ATF7IP: variants seen among roughly 807,000 people sequenced by gnomAD.
The protein encoded by ATF7IP is activating transcription factor 7 interacting protein.
In ATF7IP, 23 loss-of-function variants were observed where a neutral mutation model predicts 106.4. The observed-to-expected ratio is 0.22, with a 90% confidence interval of 0.16 to 0.31. The LOEUF (loss-of-function observed/expected upper bound fraction) is 0.31, where lower values mean the gene tolerates loss of function less well. ATF7IP is among the 10% of genes least tolerant of loss of function. The probability of loss-of-function intolerance (pLI) is 1.00; values close to 1 mark genes in which losing one functional copy is unlikely to be tolerated. For synonymous variants in ATF7IP, 542 were observed against 539.0 expected, an observed-to-expected ratio of 1.01 and a Z score of -0.08; for missense variants, 1,334 against 1,524.3, an observed-to-expected ratio of 0.88 and a Z score of 2.08.
At chr12:14,476,445 CAAATCTT>C (rs1235968258) in intron 11 of ATF7IP, 1 of 136,266 alleles carries the variant, frequency 7.3e-6, no homozygotes, top group Non-Finnish European at 1.6e-5. Context: ...AGGATAGAAT[CAAATCTT>C]AAATGAGTAT....
Position 14,427,053 on chromosome 12 carries a change from A to G in ATF7IP, c.1558+1580A>G, listed in dbSNP as rs1352293075. Among the ~76,000 whole-genome samples, 3 of 152,086 alleles carry G rather than the reference A, an allele frequency of 2.0e-5. 1 individual carries two copies. Among genetic ancestry groups the G allele is most frequent in the Non-Finnish European group, 4.4e-5 (3 of 68,002 alleles). ...TGGGAGTGCAGATTAAGGTAACTTTATTAGAGCACCAGATGTATTAGGGAT... is the reference window on the plus strand; with the variant it reads ...TGGGAGTGCAGATTAAGGTAACTTTGTTAGAGCACCAGATGTATTAGGGAT... On this transcript the variant is annotated intron_variant, in intron 2 of 14. Transcript: ENST00000261168.
chr12:14,494,118 T>C (rs1944917718), intron 13 of ATF7IP, among the ~76,000 whole-genome samples: 1 of 151,348 alleles, frequency 6.6e-6, no homozygotes, highest in African/African-American at 2.4e-5. Context: ...CTCTATACTA[T>C]TAGAATTAGA....
intron 1 of ATF7IP, among the ~76,000 whole-genome samples, chr12:14,422,289 C>T (rs1301350417): frequency 6.7e-6 from 1 of 149,254 alleles, no homozygotes; most frequent in African/African-American, 2.5e-5. Flanking sequence ...AAAACTGTAG[C>T]ACAACTTACC....
At chr12:14,397,722 A>G (rs764705327) in intron 1 of ATF7IP, among the ~76,000 whole-genome samples, 30 of 77,396 alleles carry the variant, frequency 3.9e-4, no homozygotes, top group Non-Finnish European at 1.1e-3. Context: ...TAGGCTAAAT[A>G]TCAATATCTT....
chr12:14,418,961 T>C (rs1941349832), intron 1 of ATF7IP, among the ~76,000 whole-genome samples: 1 of 152,126 alleles, frequency 6.6e-6, no homozygotes, highest in African/African-American at 2.4e-5. Flanking sequence ...ATTTTCTAAT[T>C]TATATAAAAA....
At chr12:14,401,951 A>G (rs1940237946) in intron 1 of ATF7IP, among the ~76,000 whole-genome samples, 1 of 151,224 alleles carries the variant, frequency 6.6e-6, no homozygotes, top group Non-Finnish European at 1.5e-5. Flanking sequence ...TGACCTCGTG[A>G]TGCGCTTGCC....
chr12:14,493,844 C>G (rs1349205730), intron 13 of ATF7IP, among the ~76,000 whole-genome samples: 1 of 152,092 alleles, frequency 6.6e-6, no homozygotes, highest in African/African-American at 2.4e-5. Flanking sequence ...TCAGGGCAAT[C>G]TTAGCAGTTT....
At chr12:14,411,573 G>C (rs1940915666) in intron 1 of ATF7IP, among the ~76,000 whole-genome samples, 1 of 151,154 alleles carries the variant, frequency 6.6e-6, no homozygotes, top group African/African-American at 2.4e-5. Context: ...AAAAAAAAAA[G>C]CCTTTTTGTG....
At chr12:14,469,611 A>G (rs1456790323) in intron 10 of ATF7IP, among the ~76,000 whole-genome samples, 1 of 152,180 alleles carries the variant, frequency 6.6e-6, no homozygotes, top group East Asian at 1.9e-4. Flanking sequence ...CAAATTATCA[A>G]CATAAGCTAT....
intron 5 of ATF7IP, among the ~76,000 whole-genome samples, chr12:14,442,946 G>A (rs1402567492): frequency 6.6e-6 from 1 of 152,182 alleles, no homozygotes; most frequent in Non-Finnish European, 1.5e-5. Flanking sequence ...CTTGAGGTCA[G>A]GAGTTCGAGA....
At chr12:14,418,475 A>G (rs758037687) in intron 1 of ATF7IP, among the ~76,000 whole-genome samples, 1 of 152,206 alleles carries the variant, frequency 6.6e-6, no homozygotes, top group African/African-American at 2.4e-5. Flanking sequence ...TTTATTTTAT[A>G]GAATAGTTTT....
intron 1 of ATF7IP, among the ~76,000 whole-genome samples, chr12:14,418,033 G>GGT (rs1941292136): frequency 6.6e-6 from 1 of 152,064 alleles, no homozygotes; most frequent in Non-Finnish European, 1.5e-5. Flanking sequence ...AGAAAGAAGT[G>GGT]GGTGGAGGGG....
chr12:14,382,256 T>C (rs1939032660), intron 1 of ATF7IP, among the ~76,000 whole-genome samples: 1 of 152,178 alleles, frequency 6.6e-6, no homozygotes, highest in South Asian at 2.1e-4. Flanking sequence ...GATTAAACAT[T>C]GGATAGTCAT....
chr12:14,390,769 T>C (rs1591777280), intron 1 of ATF7IP, among the ~76,000 whole-genome samples: 1 of 152,248 alleles, frequency 6.6e-6, no homozygotes, highest in Non-Finnish European at 1.5e-5. Context: ...TCTATTTACA[T>C]TTATTAATTT....
intron 6 of ATF7IP, among the ~76,000 whole-genome samples, chr12:14,451,609 T>C (rs1239803519): frequency 2.6e-5 from 4 of 152,008 alleles, no homozygotes; most frequent in Admixed American, 2.0e-4. Context: ...CCTTCTTCTT[T>C]GACTTGTTGG....
In ATF7IP at chr12:14,499,701, T is replaced by G. The variant is rs1945112811; in HGVS notation, c.*1628T>G. On this transcript the variant is annotated 3_prime_UTR_variant, in exon 15 of 15. Transcript: ENST00000261168. ...TTAGCTGGGCATGTTGGTGCATGCCTGTAATCCCAGCTACTCAGGAGGCAA... is the reference window on the plus strand; with the variant it reads ...TTAGCTGGGCATGTTGGTGCATGCCGGTAATCCCAGCTACTCAGGAGGCAA... 6.6e-6 allele frequency: 1 copy of G among 152,200 alleles called. No individual in the cohort carries two copies. The highest frequency in any genetic ancestry group is 1.5e-5 in the Non-Finnish European group (1 of 68,070). 9.4% of individuals were successfully genotyped at this position (152,200 alleles called of 1,614,324 possible).
chr12:14,417,051 GAAA>G (rs1180532305), intron 1 of ATF7IP: 3 of 574,342 alleles, frequency 5.2e-6, no homozygotes, highest in Non-Finnish European at 6.6e-6. Context: ...GTGAATTTGA[GAAA>G]AAAATTCTGA....
rs555003545 is a variant in ATF7IP at position 14,437,850 on chromosome 12, G to A, written c.1792-280G>A. On this transcript the variant is annotated intron_variant, in intron 4 of 14. Coordinates refer to ENST00000261168, the MANE Select transcript of ATF7IP (RefSeq NM_018179.5). ...GGGCGGATCACGAGGTCAGGAGATC[G>A]AGACCATCCCGGCTAAAACGGTGAA... Among the ~76,000 whole-genome samples the A allele has an allele frequency of 7.2e-5, 11 of 152,102 alleles. No homozygotes were observed. The East Asian group carries it at 2.1e-3, about 30-fold the overall frequency.
intron 1 of ATF7IP, among the ~76,000 whole-genome samples, chr12:14,408,897 A>G (rs1050881270): frequency 2.0e-5 from 3 of 152,150 alleles, no homozygotes; most frequent in African/African-American, 7.2e-5. Flanking sequence ...ATAGCGCATC[A>G]TTCTTTTAGC....
Sources: gnomAD v4.1 joint callset for allele counts (sites outside exome capture counted in the v4.1 genomes callset) on GRCh38, gnomAD v4.1.1 for gene constraint, MANE v1.5 for transcripts, NCBI Gene and HGNC (gene_info 2026-07-23, HGNC 2026-07-21) for gene names.